Variants in BRINP3 observed in about 807,000 individuals in gnomAD.
BRINP3 encodes the protein BMP/retinoic acid inducible neural specific 3, also known as BMP/retinoic acid-inducible neural-specific protein 3.
BRINP3 carries 19 observed loss-of-function variants against 71.0 expected under a neutral mutation model. The observed-to-expected ratio is 0.27, with a 90% CI of 0.19 to 0.39. BRINP3 has a LOEUF of 0.39. BRINP3 is among the 10% of genes least tolerant of loss of function. The pLI is 1.00. For synonymous variants in BRINP3, 380 were observed against 337.7 expected (o/e 1.13, Z -1.37); for missense variants, 959 against 940.8 (o/e 1.02, Z -0.25).
intron 2 of BRINP3, among the ~76,000 whole-genome samples, chr1:190,400,545 G>A (rs564436661): frequency 9.9e-5 from 15 of 152,110 alleles, no homozygotes; most frequent in Admixed American, 3.3e-4. Context: ...AGGTTTCAGC[G>A]TGAGGTTTTA....
chr1:190,169,185 T>C (rs139753815), intron 6 of BRINP3, among the ~76,000 whole-genome samples: 8 of 152,334 alleles, frequency 5.3e-5, no homozygotes, highest in African/African-American at 1.9e-4. Flanking sequence ...ACGTTATTTA[T>C]ATTGAGAGTC....
At chr1:190,453,203 A>ATTTTT (rs1190785225) in intron 2 of BRINP3, among the ~76,000 whole-genome samples, 488 of 40,858 alleles carry the variant, frequency 0.012, 147 homozygotes, top group Middle Eastern at 0.026. Flanking sequence ...AAACTTTAGT[A>ATTTTT]TTTTTTTTTT....
intron 2 of BRINP3, among the ~76,000 whole-genome samples, chr1:190,284,258 C>G (rs539618757): frequency 6.6e-6 from 1 of 151,994 alleles, no homozygotes; most frequent in Non-Finnish European, 1.5e-5. Context: ...ACAACTAAAA[C>G]AAATTATGTA....
At chr1:190,323,024 C>A (rs941368346) in intron 2 of BRINP3, among the ~76,000 whole-genome samples, 1 of 151,952 alleles carries the variant, frequency 6.6e-6, no homozygotes, top group Non-Finnish European at 1.5e-5. Context: ...AAGGTCTTAA[C>A]TGGGGTTGTA....
At chr1:190,235,877 C>G (rs1423776174) in intron 4 of BRINP3, among the ~76,000 whole-genome samples, 2 of 151,922 alleles carry the variant, frequency 1.3e-5, no homozygotes, top group African/African-American at 4.8e-5. Flanking sequence ...ACAATTTACT[C>G]ATTTGTTATG....
Position 190,098,194 on chromosome 1 carries a change from G to T in BRINP3, c.2125C>A (p.Arg709Ser). ...ALLQLLEIRD[R>S]VNKLSPPGQR... ...CCAGGTGGGGAGAGTTTATTTACAC[G>T]GTCTCTGATCTCTAGTAGTTGCAAA... The change falls in exon 8 of 8, where the codon CGT (arginine) becomes AGT (serine). Residue 709 changes from arginine to serine, a missense_variant. Arg to Ser is a moderately radical substitution (Grantham distance 110). Coordinates refer to ENST00000367462, the MANE Select transcript of BRINP3 (RefSeq NM_199051.3). 1 of 1,614,072 alleles carries T rather than the reference G, an allele frequency of 6.2e-7. No homozygotes were observed.
chr1:190,435,594 T>C (rs555380145), intron 2 of BRINP3, among the ~76,000 whole-genome samples: 9 of 152,246 alleles, frequency 5.9e-5, no homozygotes, highest in South Asian at 2.1e-4. Flanking sequence ...AACAATGTCA[T>C]GATGTATGTT....
intron 7 of BRINP3, among the ~76,000 whole-genome samples, chr1:190,119,734 T>A (rs999978682): frequency 6.6e-6 from 1 of 152,218 alleles, no homozygotes; most frequent in Non-Finnish European, 1.5e-5. Context: ...AATGATGAGA[T>A]GTAATTGTAT....
At chr1:190,436,612 T>A (rs1674474641) in intron 2 of BRINP3, among the ~76,000 whole-genome samples, 1 of 151,888 alleles carries the variant, frequency 6.6e-6, no homozygotes, top group Non-Finnish European at 1.5e-5. Flanking sequence ...TTTAAAATGA[T>A]CTTAAATAAA....
intron 4 of BRINP3, among the ~76,000 whole-genome samples, chr1:190,259,297 A>C (rs552607182): frequency 1.3e-5 from 2 of 151,504 alleles, no homozygotes; most frequent in East Asian, 1.9e-4. Flanking sequence ...CACATTGACC[A>C]GATGAGATTT....
intron 2 of BRINP3, among the ~76,000 whole-genome samples, chr1:190,326,490 T>C (rs1312383882): frequency 1.3e-5 from 2 of 151,994 alleles, no homozygotes; most frequent in Non-Finnish European, 2.9e-5. Context: ...ATCATCACCA[T>C]GACATCACCA....
chr1:190,434,456 T>G (rs1674318024), intron 2 of BRINP3, among the ~76,000 whole-genome samples: 1 of 152,122 alleles, frequency 6.6e-6, no homozygotes, highest in South Asian at 2.1e-4. Flanking sequence ...TTTCAAGTTT[T>G]TTTGTTGATC....
intron 3 of BRINP3, among the ~76,000 whole-genome samples, chr1:190,265,324 A>G (rs915843953): frequency 4.6e-5 from 7 of 151,992 alleles, no homozygotes; most frequent in African/African-American, 7.2e-5. Context: ...TGACTTTCTA[A>G]CAAAGTTTAG....
In BRINP3 at chr1:190,152,320, T is replaced by C. The variant is rs555412247; in HGVS notation, c.1184+8348A>G. Reference sequence around the variant, plus strand: ...TTTAGTTGCTTTCTAGTAGCTTTCATGCTAGATACCAATCTCAAGCAAATA... The same window carrying C: ...TTTAGTTGCTTTCTAGTAGCTTTCACGCTAGATACCAATCTCAAGCAAATA... On this transcript the variant is annotated intron_variant, in intron 7 of 7. Transcript: ENST00000367462. Among the ~76,000 whole-genome samples the C allele has an allele frequency of 1.9e-4, 29 of 152,146 alleles. No individual in the cohort carries two copies. In the South Asian group the frequency reaches 3.1e-3, roughly 16 times the overall value.
chr1:190,388,458 G>A (rs1370987772), intron 2 of BRINP3, among the ~76,000 whole-genome samples: 1 of 151,744 alleles, frequency 6.6e-6, no homozygotes, highest in African/African-American at 2.4e-5. Context: ...TATAAAAATA[G>A]GAAAATTTGG....
chr1:190,181,411 A>C (rs951228010), intron 6 of BRINP3, among the ~76,000 whole-genome samples: 5 of 151,930 alleles, frequency 3.3e-5, no homozygotes, highest in Admixed American at 6.6e-5. Flanking sequence ...TTAAGGCTTG[A>C]GTCTGCCATT....
intron 7 of BRINP3, among the ~76,000 whole-genome samples, chr1:190,144,782 G>A (rs1404808402): frequency 6.6e-6 from 1 of 151,962 alleles, no homozygotes; most frequent in Admixed American, 6.6e-5. Context: ...CTTTGACTAT[G>A]TTTTCTATTA....
chr1:190,205,642 A>T (rs974521750), intron 6 of BRINP3, among the ~76,000 whole-genome samples: 25 of 152,092 alleles, frequency 1.6e-4, no homozygotes, highest in Non-Finnish European at 3.7e-4. Flanking sequence ...GAAAATGTGT[A>T]AGAAAATTTC....
chr1:190,326,160 A>T (rs1487323774), intron 2 of BRINP3, among the ~76,000 whole-genome samples: 2 of 152,148 alleles, frequency 1.3e-5, no homozygotes, highest in African/African-American at 2.4e-5. Context: ...CTTTATCAAT[A>T]GACCAGACCA....
Sources: gnomAD v4.1 joint callset for allele counts (sites outside exome capture counted in the v4.1 genomes callset) on GRCh38, gnomAD v4.1.1 for gene constraint, MANE v1.5 for transcripts, NCBI Gene and HGNC (gene_info 2026-07-23, HGNC 2026-07-21) for gene names.